Variants in ATAD2B observed in about 807,000 individuals in gnomAD.
ATAD2B encodes ATPase family AAA domain containing 2B, also known as ATPase family AAA domain-containing protein 2B.
ATAD2B carries 40 observed loss-of-function variants against 167.6 expected under a neutral mutation model. The ratio of observed to expected loss-of-function variants is 0.24; its 90% CI spans 0.19 to 0.31. ATAD2B has a LOEUF of 0.31. ATAD2B is among the 10% of genes least tolerant of loss of function. ATAD2B has a pLI of 1.00. For missense variants in ATAD2B, 1,242 were observed against 1,757.2 expected (o/e 0.71, Z 5.24); for synonymous variants, 579 against 596.5 (o/e 0.97, Z 0.43).
chr2:23,851,260 G>A (rs1210355534), intron 13 of ATAD2B, among the ~76,000 whole-genome samples: 3 of 152,006 alleles, frequency 2.0e-5, no homozygotes, highest in South Asian at 2.1e-4. Context: ...ATCCTCTCAC[G>A]TCAGCCTCCC....
At chr2:23,863,882 A>C (rs775643422) in intron 11 of ATAD2B, among the ~76,000 whole-genome samples, 4 of 152,124 alleles carry the variant, frequency 2.6e-5, no homozygotes, top group Non-Finnish European at 5.9e-5. Flanking sequence ...GATTCAAATG[A>C]CTCTTTAATA....
chr2:23,912,796 G>A (rs1206399474), intron 1 of ATAD2B, among the ~76,000 whole-genome samples: 2 of 152,040 alleles, frequency 1.3e-5, no homozygotes, highest in African/African-American at 4.8e-5. Flanking sequence ...TTCGAGACTA[G>A]CCTGGCCAAC....
Position 23,875,885 on chromosome 2 carries a change from CTT to C in ATAD2B, c.919_920del (p.Lys307GlufsTer7). 6.2e-7 allele frequency: 1 copy of C among 1,608,228 alleles called. No homozygotes were observed. The highest frequency in any genetic ancestry group is 2.2e-5 in the East Asian group (1 of 44,752). ...APPIVPAHQK[K>X]RENTLFDIHR... ...GAATATCAAACAGCGTGTTTTCCCT[CTT>C]TTTTTGATGAGCTGGTACTAAAAGG... On this transcript the variant is annotated frameshift_variant, in exon 8 of 28. Coordinates refer to ENST00000238789, the MANE Select transcript of ATAD2B (RefSeq NM_017552.4). LOFTEE classifies it high-confidence loss of function.
chr2:23,891,990 A>G (rs1699571682), intron 2 of ATAD2B, among the ~76,000 whole-genome samples: 1 of 152,176 alleles, frequency 6.6e-6, no homozygotes, highest in South Asian at 2.1e-4. Context: ...ATAAACCTCA[A>G]TTCAAAAAAG....
the ATAD2B span, chr2:23,691,907 G>C: frequency 1.0e-5 from 16 of 1,540,078 alleles, no homozygotes; most frequent in African/African-American, 1.4e-5. Context: ...TGTCGCTTGG[G>C]GGGAAGAGTG....
the ATAD2B span, among the ~76,000 whole-genome samples, chr2:23,713,006 G>A: frequency 1.3e-5 from 2 of 152,202 alleles, no homozygotes; most frequent in Non-Finnish European, 2.9e-5. Flanking sequence ...AACTCCACTG[G>A]CAACAGCACA....
intron 1 of ATAD2B, among the ~76,000 whole-genome samples, chr2:23,898,765 G>GTT (rs1479501273): frequency 6.6e-6 from 1 of 152,202 alleles, no homozygotes; most frequent in Non-Finnish European, 1.5e-5. Flanking sequence ...AACTTTGAGA[G>GTT]GTCAAGGCAG....
At chr2:23,828,700 C>G (rs1688602696) in intron 15 of ATAD2B, 149 bp downstream of exon 15, 1 of 526,656 alleles carries the variant, frequency 1.9e-6, no homozygotes, top group East Asian at 3.2e-5. Context: ...TTAAGTGAAA[C>G]AGTCAAAATA....
intron 7 of ATAD2B, among the ~76,000 whole-genome samples, chr2:23,877,054 C>T (rs1433814090): frequency 4.9e-5 from 6 of 123,700 alleles, no homozygotes; most frequent in East Asian, 2.5e-4. Context: ...GCAAGAAGAG[C>T]GAAACTCCAT....
chr2:23,898,063 G>T (rs946979349), intron 1 of ATAD2B, among the ~76,000 whole-genome samples: 1 of 152,102 alleles, frequency 6.6e-6, no homozygotes, highest in Non-Finnish European at 1.5e-5. Context: ...TCTAGCTTCA[G>T]CCTCCCAAGT....
the ATAD2B span, among the ~76,000 whole-genome samples, chr2:23,687,797 A>G: frequency 6.6e-6 from 1 of 152,140 alleles, no homozygotes; most frequent in East Asian, 1.9e-4. Flanking sequence ...ACGTTGCTGC[A>G]GGGCCGGGTA....
chr2:23,788,547 T>C lies in ATAD2B; in HGVS notation c.2741A>G (p.Gln914Arg), dbSNP rs1272805719. ...RKFFQELILNQASMAPPRRKH... is the reference protein window; with the variant it reads ...RKFFQELILNRASMAPPRRKH... ...CCTTCGTGGTGGAGCCATTGATGCCTGATTGAGAATCAATTCTTGAAAAAA... is the reference window on the plus strand; with the variant it reads ...CCTTCGTGGTGGAGCCATTGATGCCCGATTGAGAATCAATTCTTGAAAAAA... The change falls in exon 20 of 28, where the codon CAG (glutamine) becomes CGG (arginine). Residue 914 changes from glutamine (Q) to arginine (R), a missense_variant. By Grantham distance (43) the Gln-to-Arg change is conservative. Coordinates refer to ENST00000238789, the MANE Select transcript of ATAD2B (RefSeq NM_017552.4). 105 of 1,613,204 alleles carry C rather than the reference T, an allele frequency of 6.5e-5. No homozygotes were observed. The highest frequency in any genetic ancestry group is 8.8e-5 in the Non-Finnish European group (104 of 1,179,362).
chr2:23,819,492 CAAAA>C (rs1171377752), intron 17 of ATAD2B, among the ~76,000 whole-genome samples: 3 of 76,198 alleles, frequency 3.9e-5, no homozygotes, highest in Non-Finnish European at 8.6e-5. Context: ...CTCTGCCTCC[CAAAA>C]AAAAAAAAAA....
rs1369304152 is a variant in ATAD2B at position 23,869,555 on chromosome 2, C to T, written c.1076+108G>A. 6.6e-6 allele frequency: 5 copies of T among 757,314 alleles called. No individual in the cohort carries two copies. The East Asian group carries it at 1.4e-4, about 21-fold the overall frequency. 46.9% of individuals were successfully genotyped at this position (757,314 alleles called of 1,614,324 possible). ...GTAGAAACCAAGTCAATGTCTTAAT[C>T]TAGTCTAAAATATGTGTTGAATATC... On this transcript the variant is annotated intron_variant, in intron 9 of 27. Transcript: ENST00000238789.
the ATAD2B span, among the ~76,000 whole-genome samples, chr2:23,728,075 T>G: frequency 3.3e-5 from 5 of 152,162 alleles, no homozygotes; most frequent in African/African-American, 1.2e-4. Context: ...TAATGATGTA[T>G]GAATATTTGC....
At chr2:23,813,518 T>C (rs867535528) in intron 17 of ATAD2B, among the ~76,000 whole-genome samples, 12 of 151,452 alleles carry the variant, frequency 7.9e-5, no homozygotes, top group Non-Finnish European at 1.6e-4. Flanking sequence ...GGGGATCATT[T>C]GAGCCCAAGT....
the ATAD2B span, among the ~76,000 whole-genome samples, chr2:23,692,616 G>C: frequency 6.6e-6 from 1 of 152,190 alleles, no homozygotes; most frequent in Non-Finnish European, 1.5e-5. Context: ...GCGCACAGAT[G>C]GGCCTCCAGA....
the ATAD2B span, among the ~76,000 whole-genome samples, chr2:23,711,884 TAC>T: frequency 6.6e-6 from 1 of 152,198 alleles, no homozygotes; most frequent in Admixed American, 6.5e-5. Flanking sequence ...AATATACGTA[TAC>T]AACATAATTA....
At chr2:23,870,125 T>C (rs1158702470) in intron 8 of ATAD2B, among the ~76,000 whole-genome samples, 3 of 151,202 alleles carry the variant, frequency 2.0e-5, no homozygotes, top group Non-Finnish European at 4.4e-5. Flanking sequence ...AAGAATTGCT[T>C]GAACCCGGGA....
Sources: allele counts gnomAD v4.1 joint callset (sites outside exome capture counted in the v4.1 genomes callset), GRCh38; gene constraint gnomAD v4.1.1; transcripts MANE v1.5; gene names NCBI Gene and HGNC (gene_info 2026-07-23, HGNC 2026-07-21).